NLRP14: variants seen among roughly 807,000 people sequenced by gnomAD.
NLRP14 encodes the protein NLR family pyrin domain containing 14.
Under a neutral mutation model 94.7 loss-of-function variants are expected in NLRP14, and 105 were observed. That is an observed-to-expected ratio of 1.11 (90% confidence interval 0.95 to 1.30). The LOEUF is 1.30. NLRP14 is among the 50% of genes most tolerant of loss of function. NLRP14 has a pLI of 0.00. For missense variants in NLRP14, 1,362 were observed against 1,254.1 expected (o/e 1.09, Z -1.30); for synonymous variants, 508 against 459.9 (o/e 1.10, Z -1.34).
chr11:7,073,016 C>T (rs1271836974), downstream of NLRP14, among the ~76,000 whole-genome samples: 1 of 152,172 alleles, frequency 6.6e-6, no homozygotes, highest in Non-Finnish European at 1.5e-5. Flanking sequence ...GGGGCCCTCT[C>T]TCCTGCCCTG....
intron 1 of NLRP14, among the ~76,000 whole-genome samples, chr11:7,021,292 C>T (rs1469534469): frequency 2.0e-5 from 3 of 152,168 alleles, no homozygotes; most frequent in Admixed American, 2.0e-4. Flanking sequence ...ATGCTTAAAC[C>T]AGCCCCTTGC....
At chr11:7,054,590 G>C (rs1207759387) in intron 6 of NLRP14, among the ~76,000 whole-genome samples, 5 of 151,888 alleles carry the variant, frequency 3.3e-5, no homozygotes, top group African/African-American at 4.8e-5. Flanking sequence ...TGCCATTTGT[G>C]TGTCTTCTTT....
the NLRP14 span, among the ~76,000 whole-genome samples, chr11:7,078,865 T>C: frequency 1.3e-5 from 2 of 152,066 alleles, no homozygotes; most frequent in Non-Finnish European, 2.9e-5. Flanking sequence ...TACTGAAGAA[T>C]TGTGGGATAG....
At chr11:7,025,194 A>C (rs1017834615) in intron 1 of NLRP14, among the ~76,000 whole-genome samples, 2 of 152,194 alleles carry the variant, frequency 1.3e-5, no homozygotes, top group Non-Finnish European at 2.9e-5. Context: ...TTTAGGTAAA[A>C]AGGGTAAGTT....
At chr11:7,050,872 T>C (rs1428177489) in intron 6 of NLRP14, among the ~76,000 whole-genome samples, 5 of 152,184 alleles carry the variant, frequency 3.3e-5, no homozygotes, top group Non-Finnish European at 7.3e-5. Context: ...AACCTACATA[T>C]CTAGTCTGAA....
intron 1 of NLRP14, among the ~76,000 whole-genome samples, chr11:7,037,841 G>A (rs1223898319): frequency 6.6e-6 from 1 of 152,182 alleles, no homozygotes; most frequent in African/African-American, 2.4e-5. Context: ...CTGCCAGAGA[G>A]CAGTAAGGTC....
rs1257772616 is a variant in NLRP14, at chr11:7,038,834, A to G, written c.248A>G (p.Asn83Ser). Residue 83 changes from asparagine to serine, a missense_variant, in exon 2 of 12, where the codon AAC becomes AGC. Transcript: ENST00000299481. ...SVSLKIFGKM[N>S]LKDLCERAKE... ...TCTCTCAAAATCTTTGGCAAGATGA[A>G]CCTGAAGGATCTGTGTGAGAGAGCG... 1.9e-6 allele frequency: 3 copies of G among 1,613,426 alleles called. No individual in the cohort carries two copies. Among genetic ancestry groups the G allele is most frequent in the Non-Finnish European group, 2.5e-6 (3 of 1,179,862 alleles).
chr11:7,059,869 T>C, intron 8 of NLRP14, 25 bp from the exon 9 acceptor site: 1 of 1,598,480 alleles, frequency 6.3e-7, no homozygotes, highest in South Asian at 1.1e-5. Flanking sequence ...TGATTCCATC[T>C]TTCTTCACAT....
At chr11:7,023,441 T>G (rs1028798490) in intron 1 of NLRP14, among the ~76,000 whole-genome samples, 3 of 146,190 alleles carry the variant, frequency 2.1e-5, no homozygotes, top group Admixed American at 1.4e-4. Flanking sequence ...ACTATAAAAT[T>G]TTTATTTTAT....
intron 1 of NLRP14, among the ~76,000 whole-genome samples, chr11:7,021,064 A>T (rs1190170615): frequency 1.3e-5 from 2 of 152,250 alleles, no homozygotes; most frequent in African/African-American, 4.8e-5. Context: ...GGGCTGGATC[A>T]GTAATATTCA....
downstream of NLRP14, among the ~76,000 whole-genome samples, chr11:7,071,602 A>G (rs10839711): frequency 0.7 from 88,824 of 126,558 alleles, 33,276 homozygotes; most frequent in East Asian, 0.98. Context: ...TGGAGGATGC[A>G]GACAGGGAAG....
chr11:7,043,195 C>T lies in NLRP14; in HGVS notation c.1169C>T (p.Thr390Ile). The change falls in exon 4 of 12, where the codon ACA becomes ATA. Residue 390 changes from threonine to isoleucine, a missense_variant. Thr to Ile is a moderately conservative substitution (Grantham distance 89). Transcript: ENST00000299481. ...CAAATGGAGAAGGGTGGTGATGTCA[C>T]ATTGACCTGCCAAACAACCACAGCT... ...KQQMEKGGDV[T>I]LTCQTTTALF... 3 of 1,614,160 alleles carry T rather than the reference C, an allele frequency of 1.9e-6. No individual in the cohort carries two copies.
At chr11:7,041,850 T>C (rs970939886) in intron 3 of NLRP14, among the ~76,000 whole-genome samples, 2 of 152,194 alleles carry the variant, frequency 1.3e-5, no homozygotes, top group Non-Finnish European at 2.9e-5. Flanking sequence ...AGATGAATTA[T>C]ATTTTCATTC....
intron 10 of NLRP14, among the ~76,000 whole-genome samples, chr11:7,066,486 T>C (rs1341348368): frequency 6.6e-6 from 1 of 152,248 alleles, no homozygotes; most frequent in Non-Finnish European, 1.5e-5. Flanking sequence ...TTCATATGTT[T>C]GTTGGCCACA....
At chr11:7,049,279 G>A (rs567504154) in intron 5 of NLRP14, among the ~76,000 whole-genome samples, 3 of 152,282 alleles carry the variant, frequency 2.0e-5, no homozygotes, top group African/African-American at 7.2e-5. Context: ...TTGCAACAGC[G>A]TTTTGTTATT....
chr11:7,082,297 T>A, the NLRP14 span, among the ~76,000 whole-genome samples: 100,461 of 152,062 alleles, frequency 0.66, 33,734 homozygotes, highest in East Asian at 0.93. Flanking sequence ...TGGTATTATA[T>A]TTTTTACCAA....
At chr11:7,025,917 C>T (rs528836068) in intron 1 of NLRP14, among the ~76,000 whole-genome samples, 1 of 152,142 alleles carries the variant, frequency 6.6e-6, no homozygotes, top group Non-Finnish European at 1.5e-5. Context: ...TAAAATAAAG[C>T]CACGCACAGA....
chr11:7,068,773 C>T (rs1852746432), intron 10 of NLRP14, among the ~76,000 whole-genome samples: 1 of 152,174 alleles, frequency 6.6e-6, no homozygotes, highest in Non-Finnish European at 1.5e-5. Flanking sequence ...CTCCCAGCCT[C>T]ACGAGTAGCT....
At chr11:7,055,297 A>G (rs770182595) in intron 6 of NLRP14, among the ~76,000 whole-genome samples, 1 of 152,126 alleles carries the variant, frequency 6.6e-6, no homozygotes, top group Non-Finnish European at 1.5e-5. Context: ...TGTCACCTGC[A>G]GTACATTTAT....
Sources: gnomAD v4.1 joint callset for allele counts (sites outside exome capture counted in the v4.1 genomes callset) on GRCh38, gnomAD v4.1.1 for gene constraint, MANE v1.5 for transcripts, NCBI Gene and HGNC (gene_info 2026-07-23, HGNC 2026-07-21) for gene names.